The following CSMD3 variants were observed in gnomAD, a reference collection of about 807,000 sequenced individuals.
CSMD3 encodes the protein CUB and Sushi multiple domains 3.
A neutral mutation model predicts 435.2 loss-of-function variants in CSMD3; 177 were observed. The observed-to-expected ratio is 0.41, with a 90% CI of 0.36 to 0.46. CSMD3 has a LOEUF of 0.46. Ranked by LOEUF, CSMD3 falls within the 20% of genes least tolerant of loss-of-function variation. CSMD3 has a pLI of 0.34. For missense variants in CSMD3, 4,265 were observed against 4,504.6 expected, an observed-to-expected ratio of 0.95 and a Z score of 1.52; for synonymous variants, 1,656 against 1,520.5, an observed-to-expected ratio of 1.09 and a Z score of -2.07.
chr8:112,909,151 T>C (rs2082338860), intron 10 of CSMD3, among the ~76,000 whole-genome samples: 3 of 151,720 alleles, frequency 2.0e-5, no homozygotes, highest in Non-Finnish European at 4.4e-5. Flanking sequence ...TTGTAAATCC[T>C]ACTAAATATG....
chr8:112,578,066 A>G (rs1808852878), intron 23 of CSMD3, among the ~76,000 whole-genome samples: 2 of 152,058 alleles, frequency 1.3e-5, no homozygotes, highest in South Asian at 4.1e-4. Flanking sequence ...AATTAAATAC[A>G]TTTTCTAAAA....
chr8:112,379,401 G>A (rs1055033022), intron 38 of CSMD3, among the ~76,000 whole-genome samples: 7 of 152,148 alleles, frequency 4.6e-5, no homozygotes, highest in South Asian at 2.1e-4. Context: ...CCCAGGAGGC[G>A]GAGGTTGCAG....
chr8:113,150,839 C>T (rs2091788706), intron 4 of CSMD3, among the ~76,000 whole-genome samples: 1 of 151,898 alleles, frequency 6.6e-6, no homozygotes, highest in Admixed American at 6.6e-5. Flanking sequence ...GTATTGTAAA[C>T]AATTTAGAAC....
intron 3 of CSMD3, among the ~76,000 whole-genome samples, chr8:113,204,981 G>T (rs762748184): frequency 5.5e-5 from 8 of 145,480 alleles, no homozygotes; most frequent in Non-Finnish European, 9.1e-5. Context: ...CTTGTGCAGG[G>T]GAACTCCTTT....
intron 38 of CSMD3, among the ~76,000 whole-genome samples, chr8:112,371,407 A>G (rs762366063): frequency 2.0e-5 from 3 of 152,100 alleles, no homozygotes; most frequent in East Asian, 1.9e-4. Flanking sequence ...CTGAGAACCA[A>G]TGAGTACTGG....
chr8:112,954,181 TAATC>T (rs2083926586), intron 8 of CSMD3, among the ~76,000 whole-genome samples: 1 of 151,694 alleles, frequency 6.6e-6, no homozygotes, highest in South Asian at 2.1e-4. Flanking sequence ...TAGCAATAAT[TAATC>T]AATCATTTTA....
chr8:112,998,739 C>A (rs768744156), intron 6 of CSMD3, among the ~76,000 whole-genome samples: 3 of 151,882 alleles, frequency 2.0e-5, no homozygotes, highest in Non-Finnish European at 2.9e-5. Flanking sequence ...GGAGGTGGGG[C>A]CTGGTGGGAC....
At chr8:112,342,474 A>C (rs962829208) in intron 41 of CSMD3, among the ~76,000 whole-genome samples, 2 of 152,098 alleles carry the variant, frequency 1.3e-5, no homozygotes, top group Non-Finnish European at 2.9e-5. Flanking sequence ...ATTTGGTGAA[A>C]GTTTTAAGTT....
intron 61 of CSMD3, among the ~76,000 whole-genome samples, chr8:112,258,039 G>A (rs541508084): frequency 7.2e-5 from 11 of 152,014 alleles, no homozygotes; most frequent in Admixed American, 2.0e-4. Flanking sequence ...GAAAGGATTC[G>A]CTATTTAATA....
At chr8:113,219,160 T>G (rs1052612974) in intron 3 of CSMD3, among the ~76,000 whole-genome samples, 1 of 151,312 alleles carries the variant, frequency 6.6e-6, no homozygotes, top group African/African-American at 2.4e-5. Context: ...CAATTTCCAC[T>G]AGGGTCAGAA....
chr8:113,387,344 C>G (rs1022786488), intron 1 of CSMD3, among the ~76,000 whole-genome samples: 1 of 151,664 alleles, frequency 6.6e-6, no homozygotes, highest in African/African-American at 2.4e-5. Flanking sequence ...ATGACTTTTA[C>G]GAATACAGCA....
At chr8:112,445,229 T>A in intron 32 of CSMD3, among the ~76,000 whole-genome samples, 1 of 151,762 alleles carries the variant, frequency 6.6e-6, no homozygotes. Flanking sequence ...GTTGACAGAG[T>A]GGAGTGTGGA....
intron 1 of CSMD3, among the ~76,000 whole-genome samples, chr8:113,409,373 G>A (rs1185123582): frequency 1.3e-5 from 2 of 151,820 alleles, no homozygotes; most frequent in African/African-American, 2.4e-5. Flanking sequence ...CTGAGCCACC[G>A]CGCCCGGCCA....
chr8:113,058,551 T>G (rs1342264980), intron 5 of CSMD3, among the ~76,000 whole-genome samples: 1 of 151,966 alleles, frequency 6.6e-6, no homozygotes, highest in Non-Finnish European at 1.5e-5. Flanking sequence ...AATAAGTCAA[T>G]TTATTCATTA....
In CSMD3 at chr8:112,254,316, T is replaced by C; in HGVS notation, c.10047A>G (p.Gln3349=). The change falls in exon 63 of 71, where the codon CAA becomes CAG. Residue 3349 remains glutamine, a synonymous_variant. Coordinates refer to ENST00000297405, the MANE Select transcript of CSMD3 (RefSeq NM_198123.2). ...GCACACCTGGGTTTTCACAAGAGGT[T>C]TGGGTAGGCTCTAAAATGAAGATTA... ...GSSPHCIEPT[Q]TSCENPGVPR... 1.2e-6 allele frequency: 2 copies of C among 1,610,690 alleles called. No individual in the cohort carries two copies. Among genetic ancestry groups the C allele is most frequent in the South Asian group, 2.2e-5 (2 of 91,034 alleles).
At chr8:113,299,901 G>T (rs2093751564) in intron 2 of CSMD3, among the ~76,000 whole-genome samples, 1 of 151,928 alleles carries the variant, frequency 6.6e-6, no homozygotes, top group South Asian at 2.1e-4. Flanking sequence ...GCTGAGGCAG[G>T]AGAATCGCTT....
intron 3 of CSMD3, among the ~76,000 whole-genome samples, chr8:113,249,560 G>C (rs2093314776): frequency 6.6e-6 from 1 of 151,924 alleles, no homozygotes; most frequent in Admixed American, 6.6e-5. Flanking sequence ...ATTTAAATAA[G>C]GTAAATAAAT....
chr8:112,333,336 T>C (rs1359067894), intron 45 of CSMD3, among the ~76,000 whole-genome samples: 1 of 152,022 alleles, frequency 6.6e-6, no homozygotes, highest in Non-Finnish European at 1.5e-5. Context: ...CCTGGCTAAT[T>C]TTGTATTTTT....
At chr8:113,115,034 G>C (rs1030864196) in intron 4 of CSMD3, among the ~76,000 whole-genome samples, 1 of 152,174 alleles carries the variant, frequency 6.6e-6, no homozygotes, top group African/African-American at 2.4e-5. Context: ...TGTACCTACA[G>C]AATCAGAAAC....
Sources: gnomAD v4.1 joint callset for allele counts (sites outside exome capture counted in the v4.1 genomes callset) on GRCh38, gnomAD v4.1.1 for gene constraint, MANE v1.5 for transcripts, NCBI Gene and HGNC (gene_info 2026-07-23, HGNC 2026-07-21) for gene names.